The following SLC1A2 variants were observed in gnomAD, a reference collection of about 807,000 sequenced individuals.
The protein encoded by SLC1A2 is solute carrier family 1 member 2, also known as excitatory amino acid transporter 2.
Under a neutral mutation model 48.8 loss-of-function variants are expected in SLC1A2, and 15 were observed. The ratio of observed to expected loss-of-function variants is 0.31; its 90% CI spans 0.21 to 0.47. The LOEUF is 0.47. SLC1A2 is among the 20% of genes least tolerant of loss of function. SLC1A2 has a pLI of 0.99. For missense variants in SLC1A2, 502 were observed against 730.5 expected, an observed-to-expected ratio of 0.69 and a Z score of 3.61; for synonymous variants, 279 against 272.6, an observed-to-expected ratio of 1.02 and a Z score of -0.23.
intron 7 of SLC1A2, chr11:35,291,482 G>A (rs998925381): frequency 3.3e-5 from 5 of 152,050 alleles, no homozygotes; most frequent in African/African-American, 1.2e-4. Context: ...GGCTGGCCTC[G>A]AACTCCTGAC....
intron 9 of SLC1A2, among the ~76,000 whole-genome samples, chr11:35,276,615 G>A (rs1850449836): frequency 1.3e-5 from 2 of 152,168 alleles, no homozygotes; most frequent in Non-Finnish European, 1.5e-5. Flanking sequence ...TAGGTCAGAA[G>A]TAGGCAGGGT....
intron 1 of SLC1A2, among the ~76,000 whole-genome samples, chr11:35,395,464 G>T (rs1456418576): frequency 1.3e-5 from 2 of 151,952 alleles, no homozygotes; most frequent in African/African-American, 4.8e-5. Context: ...TCAAGGGAAG[G>T]TAAGAGACCC....
At chr11:35,343,840 G>GCA (rs775705068) in intron 1 of SLC1A2, among the ~76,000 whole-genome samples, 23 of 149,634 alleles carry the variant, frequency 1.5e-4, no homozygotes, top group African/African-American at 4.9e-4. Flanking sequence ...ACACACACAG[G>GCA]CACACACACA....
chr11:35,271,774 C>T lies in SLC1A2; in HGVS notation c.1422-6016G>A, dbSNP rs190227452. Among the ~76,000 whole-genome samples the T allele has an allele frequency of 7.9e-5, 12 of 152,134 alleles. No individual in the cohort carries two copies. The East Asian group carries it at 1.9e-3, about 25-fold the overall frequency. On this transcript the variant is annotated intron_variant, in intron 9 of 10. Coordinates refer to ENST00000278379, the MANE Select transcript of SLC1A2 (RefSeq NM_004171.4). Reference sequence around the variant, plus strand: ...GGGAGAATCGCTTGGGCCTGAGAGACGAAGGTTGCAGTGAGCCATGATAGC... The same window carrying T: ...GGGAGAATCGCTTGGGCCTGAGAGATGAAGGTTGCAGTGAGCCATGATAGC...
At chr11:35,346,861 G>A (rs553284198) in intron 1 of SLC1A2, among the ~76,000 whole-genome samples, 5 of 152,358 alleles carry the variant, frequency 3.3e-5, no homozygotes, top group African/African-American at 9.6e-5. Flanking sequence ...GACTCCCCAT[G>A]GGTACCCCAC....
intron 1 of SLC1A2, among the ~76,000 whole-genome samples, chr11:35,353,811 C>T (rs186285459): frequency 0.012 from 1,864 of 152,252 alleles, 60 homozygotes; most frequent in Admixed American, 0.077. Flanking sequence ...GCTTTTGCCC[C>T]GCTGGCTCCC....
Position 35,253,005 on chromosome 11 carries a change from C to T in SLC1A2, c.*7889G>A, listed in dbSNP as rs1950262659. ...GTTCAAATACATACCAATACACTTT[C>T]TATGTAACTGACTACTTTTTAAACC... On this transcript the variant is annotated 3_prime_UTR_variant, in exon 11 of 11. Transcript: ENST00000278379. 1 of 152,292 alleles carries T rather than the reference C, an allele frequency of 6.6e-6. No individual in the cohort carries two copies. Among genetic ancestry groups the T allele is most frequent in the Non-Finnish European group, 1.5e-5 (1 of 68,026 alleles). 9.4% of individuals were successfully genotyped at this position (152,292 alleles called of 1,614,324 possible). A position where few individuals can be genotyped will look rare whatever the true frequency, so the allele number is the denominator to read the frequency against.
At chr11:35,373,647 G>C (rs1360741134) in intron 1 of SLC1A2, among the ~76,000 whole-genome samples, 1 of 152,224 alleles carries the variant, frequency 6.6e-6, no homozygotes, top group Non-Finnish European at 1.5e-5. Flanking sequence ...AAGGTGAGGG[G>C]CTGTGGGTGC....
chr11:35,262,583 A>C (rs1471887630), intron 10 of SLC1A2, among the ~76,000 whole-genome samples: 1 of 152,258 alleles, frequency 6.6e-6, no homozygotes, highest in East Asian at 1.9e-4. Context: ...ACCATAAGGA[A>C]GTTCAAAGGA....
In SLC1A2 at chr11:35,317,413, G is replaced by A; in HGVS notation, c.121C>T (p.Leu41=). ...RHLGLRLCDK[L]GKNLLLTLTV... is the part of the protein sequence containing the mutation. ...AGGGTGAGCAGCAGATTCTTCCCCAGCTTGTCACACAGGCGCAGGCCCAGG... is the reference window on the plus strand; with the variant it reads ...AGGGTGAGCAGCAGATTCTTCCCCAACTTGTCACACAGGCGCAGGCCCAGG... Residue 41 remains leucine, a synonymous_variant, in exon 2 of 11, where the codon CTG becomes TTG. Coordinates refer to ENST00000278379, the MANE Select transcript of SLC1A2 (RefSeq NM_004171.4). 1 of 1,614,162 alleles carries A rather than the reference G, an allele frequency of 6.2e-7. No individual in the cohort carries two copies. Among genetic ancestry groups the A allele is most frequent in the Non-Finnish European group, 8.5e-7 (1 of 1,180,004 alleles).
chr11:35,320,367 G>GTT (rs1392560851), intron 1 of SLC1A2, among the ~76,000 whole-genome samples: 1 of 152,152 alleles, frequency 6.6e-6, no homozygotes, highest in Non-Finnish European at 1.5e-5. Flanking sequence ...AAAGCACATT[G>GTT]TACTGTAATT....
At chr11:35,383,163 T>C (rs2135211494) in intron 1 of SLC1A2, among the ~76,000 whole-genome samples, 1 of 152,224 alleles carries the variant, frequency 6.6e-6, no homozygotes, top group South Asian at 2.1e-4. Context: ...CAAAAAAGAA[T>C]ATAGTGGGGA....
intron 1 of SLC1A2, among the ~76,000 whole-genome samples, chr11:35,369,795 A>C (rs899367688): frequency 6.6e-6 from 1 of 152,240 alleles, no homozygotes; most frequent in Non-Finnish European, 1.5e-5. Flanking sequence ...AGGTGTATGT[A>C]TTCAGGCAGG....
In SLC1A2 at chr11:35,280,946, C is replaced by G; in HGVS notation, c.1342G>C (p.Val448Leu). 1 of 1,613,188 alleles carries G rather than the reference C, an allele frequency of 6.2e-7. No individual in the cohort carries two copies. Among genetic ancestry groups the G allele is most frequent in the African/African-American group, 1.3e-5 (1 of 74,966 alleles). Residue 448 changes from valine to leucine, a missense_variant, in exon 9 of 11, where the codon GTC (valine) becomes CTC (leucine). Coordinates refer to ENST00000278379, the MANE Select transcript of SLC1A2 (RefSeq NM_004171.4). The part of the protein sequence containing the change: ...GAASIPSAGL[V>L]TMLLILTAVG... Reference sequence around the variant, plus strand: ...GCTGTCAGAATGAGGAGCATGGTGACCAGCCCGGCACTGGGGATACTGGCC... The same window carrying G: ...GCTGTCAGAATGAGGAGCATGGTGAGCAGCCCGGCACTGGGGATACTGGCC...
intron 10 of SLC1A2, chr11:35,261,913 A>G (rs1334945695): frequency 5.1e-6 from 2 of 393,950 alleles, no homozygotes; most frequent in Non-Finnish European, 8.9e-6. Flanking sequence ...AAGGAAAATA[A>G]AAACCATTTA....
intron 1 of SLC1A2, among the ~76,000 whole-genome samples, chr11:35,366,925 G>A (rs998397527): frequency 1.3e-5 from 2 of 152,202 alleles, no homozygotes; most frequent in Non-Finnish European, 1.5e-5. Flanking sequence ...ATCAAATTTT[G>A]TTGTTGGAAA....
At chr11:35,311,858 GAGATAGAT>G (rs199931725) in intron 4 of SLC1A2, among the ~76,000 whole-genome samples, 11,276 of 129,544 alleles carry the variant, frequency 0.087, 609 homozygotes, top group East Asian at 0.21. Context: ...AGGAAAGGAA[GAGATAGAT>G]ATAAGGAGAG....
chr11:35,284,087 T>TTATATATATATATATATATA lies in SLC1A2; in HGVS notation c.1286+2650_1286+2669dup, dbSNP rs34252173. On this transcript the variant is annotated intron_variant, in intron 8 of 10. Coordinates refer to ENST00000278379, the MANE Select transcript of SLC1A2 (RefSeq NM_004171.4). ...TCATAGGGTGGTTGTGAAGATTTTA[T>TTATATATATATATATATATA]TATATATATATATATATATATATAA... Among the ~76,000 whole-genome samples the TTATATATATATATATATATA allele has an allele frequency of 8.2e-3, 950 of 115,576 alleles. 18 individuals carry two copies. Among genetic ancestry groups the TTATATATATATATATATATA allele is most frequent in the Middle Eastern group, 0.023 (5 of 216 alleles). 75.8% of individuals were successfully genotyped at this position (115,576 alleles called of 152,430 possible).
At chr11:35,410,793 C>T (rs1855434493) in intron 1 of SLC1A2, among the ~76,000 whole-genome samples, 3 of 152,168 alleles carry the variant, frequency 2.0e-5, no homozygotes, top group African/African-American at 7.2e-5. Flanking sequence ...TTCCAGAGCT[C>T]CTTGTGGGTG....
Sources: allele counts gnomAD v4.1 joint callset (sites outside exome capture counted in the v4.1 genomes callset), GRCh38; gene constraint gnomAD v4.1.1; transcripts MANE v1.5; gene names NCBI Gene and HGNC (gene_info 2026-07-23, HGNC 2026-07-21).